FBXL7: variants seen among roughly 807,000 people sequenced by gnomAD.
FBXL7 encodes the protein F-box/LRR-repeat protein 7.
Under a neutral mutation model 38.3 loss-of-function variants are expected in FBXL7, and 12 were observed. The observed-to-expected ratio is 0.31, with a 90% confidence interval of 0.20 to 0.51. The LOEUF (loss-of-function observed/expected upper bound fraction) is 0.51, where lower values mean the gene tolerates loss of function less well. Ranked by LOEUF, FBXL7 falls within the 20% of genes least tolerant of loss-of-function variation. FBXL7 has a pLI of 0.98. For missense variants in FBXL7, 567 were observed against 676.4 expected, an observed-to-expected ratio of 0.84 and a Z score of 1.79; for synonymous variants, 297 against 300.9, an observed-to-expected ratio of 0.99 and a Z score of 0.13.
chr5:15,659,180 A>G (rs1250126644), intron 2 of FBXL7, among the ~76,000 whole-genome samples: 1 of 152,194 alleles, frequency 6.6e-6, no homozygotes, highest in Non-Finnish European at 1.5e-5. Context: ...TAAATGGCAA[A>G]TTATTAACTG....
chr5:15,809,661 A>T (rs1396768635), intron 2 of FBXL7, among the ~76,000 whole-genome samples: 3 of 152,216 alleles, frequency 2.0e-5, no homozygotes, highest in Non-Finnish European at 4.4e-5. Context: ...AAGAAAAAAA[A>T]AAGCTTTAAA....
chr5:15,906,791 T>A (rs1741380586), intron 2 of FBXL7, among the ~76,000 whole-genome samples: 1 of 48,498 alleles, frequency 2.1e-5, no homozygotes, highest in South Asian at 9.1e-4. Context: ...CTTGCGATAG[T>A]TTACTGAGAA....
At chr5:15,586,586 C>T (rs1416345556) in intron 1 of FBXL7, among the ~76,000 whole-genome samples, 2 of 152,116 alleles carry the variant, frequency 1.3e-5, no homozygotes, top group Non-Finnish European at 2.9e-5. Flanking sequence ...AACCAGATCT[C>T]TAGCTCATGT....
intron 1 of FBXL7, among the ~76,000 whole-genome samples, chr5:15,611,567 C>G (rs977531528): frequency 8.6e-5 from 13 of 152,010 alleles, no homozygotes; most frequent in Non-Finnish European, 1.6e-4. Flanking sequence ...TGATATTGAT[C>G]AATTGATAAA....
At chr5:15,574,925 ATCTTTGTAGTCATTTTCGAT>A (rs111726135) in intron 1 of FBXL7, among the ~76,000 whole-genome samples, 22,155 of 151,156 alleles carry the variant, frequency 0.15, 1,746 homozygotes, top group South Asian at 0.24. Context: ...CTGACTTGAA[ATCTTTGTAGTCATTTTCGAT>A]TCTTGGCATT....
In FBXL7 at chr5:15,707,174, G is replaced by GTTTT. The variant is rs71603796; in HGVS notation, c.127+91122_127+91125dup. ...AGGTAGTGTTTCTTTTTTTCTTTTC[G>GTTTT]TTTTTTTTTTTTTTTTTTTTTTTGC... On this transcript the variant is annotated intron_variant, in intron 2 of 3. Coordinates refer to ENST00000504595, the MANE Select transcript of FBXL7 (RefSeq NM_012304.5). Among the ~76,000 whole-genome samples the GTTTT allele has an allele frequency of 2.0e-3, 139 of 70,416 alleles. 3 individuals are homozygous for GTTTT. Among genetic ancestry groups the GTTTT allele is most frequent in the East Asian group, 3.4e-3 (7 of 2,056 alleles). The allele number at this position is 70,416 out of a possible 152,430, so 46.2% of individuals were successfully genotyped here.
chr5:15,792,411 C>T (rs553179781), intron 2 of FBXL7, among the ~76,000 whole-genome samples: 2 of 152,276 alleles, frequency 1.3e-5, no homozygotes, highest in African/African-American at 4.8e-5. Flanking sequence ...AAAGGTAAGA[C>T]TGTGCCATTT....
intron 1 of FBXL7, among the ~76,000 whole-genome samples, chr5:15,541,441 GTGTATATATATATATATATA>G (rs1282494435): frequency 1.9e-5 from 1 of 53,370 alleles, no homozygotes; most frequent in Non-Finnish European, 3.7e-5. Context: ...ATGTGTGTGT[GTGTATATATATATATATATA>G]TATATATATA....
At chr5:15,699,796 G>T (rs575489279) in intron 2 of FBXL7, among the ~76,000 whole-genome samples, 1 of 152,212 alleles carries the variant, frequency 6.6e-6, no homozygotes, top group South Asian at 2.1e-4. Flanking sequence ...ATTATCCTTC[G>T]GTAGGAAATC....
At chr5:15,573,726 C>T (rs1738867345) in intron 1 of FBXL7, among the ~76,000 whole-genome samples, 1 of 152,170 alleles carries the variant, frequency 6.6e-6, no homozygotes, top group African/African-American at 2.4e-5. Flanking sequence ...CTGCTTCAGC[C>T]AATCAGTACT....
At chr5:15,631,102 T>A (rs1178768544) in intron 2 of FBXL7, among the ~76,000 whole-genome samples, 1 of 152,162 alleles carries the variant, frequency 6.6e-6, no homozygotes, top group East Asian at 1.9e-4. Flanking sequence ...CTTCCTTAAA[T>A]GAATTCAACA....
chr5:15,833,991 G>C (rs1284960520), intron 2 of FBXL7, among the ~76,000 whole-genome samples: 4 of 152,128 alleles, frequency 2.6e-5, no homozygotes, highest in African/African-American at 4.8e-5. Context: ...GAAACATCCA[G>C]GTGCTCTTTT....
chr5:15,538,775 T>C (rs1374948284), intron 1 of FBXL7, among the ~76,000 whole-genome samples: 5 of 152,134 alleles, frequency 3.3e-5, no homozygotes, highest in Non-Finnish European at 5.9e-5. Context: ...TGGGCAGCAG[T>C]GGATCAATGG....
chr5:15,791,805 G>A (rs190358575), intron 2 of FBXL7, among the ~76,000 whole-genome samples: 80 of 152,212 alleles, frequency 5.3e-4, no homozygotes, highest in Non-Finnish European at 1.0e-3. Context: ...TGGGCTGCCC[G>A]TTACTCAGTT....
intron 2 of FBXL7, among the ~76,000 whole-genome samples, chr5:15,762,200 G>A (rs1393673896): frequency 6.6e-6 from 1 of 152,174 alleles, no homozygotes; most frequent in Non-Finnish European, 1.5e-5. Context: ...CTTCTCTGTT[G>A]GCCAGAGACC....
intron 2 of FBXL7, among the ~76,000 whole-genome samples, chr5:15,810,494 G>A (rs1028912949): frequency 6.6e-6 from 1 of 151,252 alleles, no homozygotes; most frequent in African/African-American, 2.4e-5. Context: ...CCAGGAGGCA[G>A]AGGTTACAGT....
At chr5:15,616,618 T>C (rs1282318823) in intron 2 of FBXL7, among the ~76,000 whole-genome samples, 2 of 152,248 alleles carry the variant, frequency 1.3e-5, no homozygotes, top group Non-Finnish European at 2.9e-5. Context: ...AGTGATTTTC[T>C]TGATGAAGAA....
rs374269011 is a variant in FBXL7, at chr5:15,691,969, G to T, written c.127+75897G>T. Among the ~76,000 whole-genome samples, 56 of 152,236 alleles carry T rather than the reference G, an allele frequency of 3.7e-4. 1 individual carries two copies. The highest frequency in any genetic ancestry group is 1.3e-3 in the African/African-American group (55 of 41,550). ...GTTCTGATAAACAGCAATCATATAA[G>T]ACTGGTGTGTGGTGAGGTAGGACTT... On this transcript the variant is annotated intron_variant, in intron 2 of 3. Transcript: ENST00000504595.
chr5:15,937,769 G>A lies in FBXL7; in HGVS notation c.*583G>A, dbSNP rs1023528517. On this transcript the variant is annotated 3_prime_UTR_variant, in exon 4 of 4. Coordinates refer to ENST00000504595, the MANE Select transcript of FBXL7 (RefSeq NM_012304.5). ...AAAAAATTCATTACAGCAAACAGCT[G>A]GGGAAGGACATGCAGTCCTCCCCCA... is the stretch of plus-strand genomic sequence containing the variant. The A allele has an allele frequency of 6.5e-6, 1 of 152,800 alleles. No individual in the cohort carries two copies. Among genetic ancestry groups the A allele is most frequent in the Non-Finnish European group, 1.5e-5 (1 of 68,598 alleles). 9.5% of individuals were successfully genotyped at this position (152,800 alleles called of 1,614,324 possible).
Sources: gnomAD v4.1 joint callset for allele counts (sites outside exome capture counted in the v4.1 genomes callset) on GRCh38, gnomAD v4.1.1 for gene constraint, MANE v1.5 for transcripts, NCBI Gene and HGNC (gene_info 2026-07-23, HGNC 2026-07-21) for gene names.